The following CUX1 variants were observed in gnomAD, a reference collection of about 807,000 sequenced individuals.
CUX1 encodes the protein protein CASP.
CUX1 carries 31 observed loss-of-function variants against 158.8 expected under a neutral mutation model. The observed-to-expected ratio is 0.20, with a 90% CI of 0.15 to 0.26. The LOEUF (loss-of-function observed/expected upper bound fraction) is 0.26, where lower values mean the gene tolerates loss of function less well. Among genes scored for constraint, CUX1 ranks in the 10% least tolerant of loss-of-function variants. The pLI is 1.00. For synonymous variants in CUX1, 879 were observed against 862.1 expected (o/e 1.02, Z -0.34); for missense variants, 1,589 against 2,014.6 (o/e 0.79, Z 4.04).
At chr7:102,141,037 T>C (rs1231290610) in intron 8 of CUX1, among the ~76,000 whole-genome samples, 1 of 152,164 alleles carries the variant, frequency 6.6e-6, no homozygotes, top group Non-Finnish European at 1.5e-5. Flanking sequence ...TAAAGATTCA[T>C]GGCCAAATCC....
chr7:102,224,578 C>G (rs1011939180), intron 20 of CUX1, among the ~76,000 whole-genome samples: 6 of 152,168 alleles, frequency 3.9e-5, no homozygotes, highest in African/African-American at 1.2e-4. Flanking sequence ...TCTCAGGGCT[C>G]GGACAGGGCT....
chr7:102,054,641 G>A (rs1444096023), intron 3 of CUX1, among the ~76,000 whole-genome samples: 3 of 152,108 alleles, frequency 2.0e-5, no homozygotes, highest in Non-Finnish European at 4.4e-5. Flanking sequence ...ATTTTCATAT[G>A]AATCTTAGAA....
intron 21 of CUX1, 86 bp downstream of exon 21, chr7:102,227,755 A>G: frequency 7.3e-7 from 1 of 1,376,056 alleles, no homozygotes; most frequent in Non-Finnish European, 1.0e-6. Flanking sequence ...AGGCCAAGCC[A>G]ACCACAGAGT....
At chr7:102,266,722 T>C (rs1244560260) in intron 14 of CUX1, among the ~76,000 whole-genome samples, 1 of 151,996 alleles carries the variant, frequency 6.6e-6, no homozygotes, top group East Asian at 1.9e-4. Context: ...ACCTGGAAAC[T>C]AGCTGCTAAC....
chr7:102,077,415 C>T (rs139516381), intron 4 of CUX1, among the ~76,000 whole-genome samples: 1 of 150,530 alleles, frequency 6.6e-6, no homozygotes, highest in Non-Finnish European at 1.5e-5. Flanking sequence ...GGGGATCGGG[C>T]GCAGTGGCTT....
chr7:102,088,066 T>C (rs1554481150), intron 4 of CUX1, among the ~76,000 whole-genome samples: 1 of 151,786 alleles, frequency 6.6e-6, no homozygotes, highest in African/African-American at 2.4e-5. Context: ...GGTGCAATCT[T>C]GGCTCACTGC....
chr7:101,913,511 C>A, intron 1 of CUX1: 2 of 854,400 alleles, frequency 2.3e-6, no homozygotes, highest in Non-Finnish European at 3.1e-6. Context: ...ACAGATCAGC[C>A]CAGGGAGGGG....
At chr7:101,882,384 T>G (rs1799807356) in intron 1 of CUX1, among the ~76,000 whole-genome samples, 3 of 152,128 alleles carry the variant, frequency 2.0e-5, no homozygotes, top group South Asian at 2.1e-4. Context: ...TTAGCCTAGT[T>G]GGCAAAAGTG....
intron 20 of CUX1, among the ~76,000 whole-genome samples, chr7:102,212,975 G>C (rs781848050): frequency 2.6e-5 from 4 of 152,200 alleles, no homozygotes; most frequent in Non-Finnish European, 5.9e-5. Context: ...CCTCCAAGTA[G>C]CTGGGATCAC....
chr7:101,985,774 C>T (rs1814223296), intron 2 of CUX1, among the ~76,000 whole-genome samples: 1 of 152,230 alleles, frequency 6.6e-6, no homozygotes, highest in Non-Finnish European at 1.5e-5. Context: ...GTGTCAGTGT[C>T]TGCCAGGTAA....
intron 2 of CUX1, among the ~76,000 whole-genome samples, chr7:102,027,633 G>A (rs1429556259): frequency 6.6e-6 from 1 of 152,132 alleles, no homozygotes; most frequent in Non-Finnish European, 1.5e-5. Flanking sequence ...TGCTAGGGTG[G>A]GCACATCTCT....
intron 2 of CUX1, among the ~76,000 whole-genome samples, chr7:101,943,078 C>CTTTTTTTTTTTTTTTTTTTTTTT (rs58332486): frequency 6.2e-5 from 5 of 80,324 alleles, no homozygotes; most frequent in East Asian, 4.0e-4. Flanking sequence ...CTGGTCAGTG[C>CTTTTTTTTTTTTTTTTTTTTTTT]TTTTTTTTTT....
At chr7:102,072,255 G>GT (rs1424724548) in intron 4 of CUX1, among the ~76,000 whole-genome samples, 1 of 152,184 alleles carries the variant, frequency 6.6e-6, no homozygotes, top group Non-Finnish European at 1.5e-5. Context: ...TCCCCTTGAG[G>GT]TTTCCCATTG....
intron 2 of CUX1, among the ~76,000 whole-genome samples, chr7:102,011,337 A>G (rs950148980): frequency 6.6e-6 from 1 of 151,922 alleles, no homozygotes; most frequent in Non-Finnish European, 1.5e-5. Flanking sequence ...GGAGCTGCTC[A>G]GCCCCTACAG....
At chr7:102,024,450 C>G (rs59646143) in intron 2 of CUX1, among the ~76,000 whole-genome samples, 3 of 152,332 alleles carry the variant, frequency 2.0e-5, no homozygotes, top group East Asian at 3.9e-4. Context: ...CCTCAGCCTC[C>G]TGAGTAACCT....
At position 102,257,446 on chromosome 7, in the gene CUX1, G is replaced by C; in HGVS notation, c.*8404G>C. ...GAAAAAAAAAATCCCGTGTATTCTG[G>C]AGATGTGAGAATTCACCCAAAATTC... On this transcript the variant is annotated 3_prime_UTR_variant, in exon 24 of 24. Transcript: ENST00000292535. The C allele has an allele frequency of 1.0e-6, 1 of 985,232 alleles. No homozygotes were observed. The allele number at this position is 985,232 out of a possible 1,614,324, so 61.0% of individuals were successfully genotyped here. A position where few individuals can be genotyped will look rare whatever the true frequency, so the allele number is the denominator to read the frequency against.
intron 2 of CUX1, among the ~76,000 whole-genome samples, chr7:101,954,942 C>T (rs962404314): frequency 6.6e-6 from 1 of 152,084 alleles, no homozygotes; most frequent in Non-Finnish European, 1.5e-5. Flanking sequence ...GAAGCCGAGG[C>T]AGGCGATCAC....
chr7:102,071,145 G>A (rs940102959), intron 4 of CUX1, among the ~76,000 whole-genome samples: 3 of 152,024 alleles, frequency 2.0e-5, no homozygotes, highest in Middle Eastern at 3.4e-3. Context: ...CAATGAGTGC[G>A]ATGAGGTCTC....
chr7:102,146,468 G>A (rs1226680459), intron 8 of CUX1, among the ~76,000 whole-genome samples: 1 of 152,212 alleles, frequency 6.6e-6, no homozygotes, highest in Non-Finnish European at 1.5e-5. Context: ...GCTAAAGGAA[G>A]ATTTTATTGA....
Sources: gnomAD v4.1 joint callset for allele counts (sites outside exome capture counted in the v4.1 genomes callset) on GRCh38, gnomAD v4.1.1 for gene constraint, MANE v1.5 for transcripts, NCBI Gene and HGNC (gene_info 2026-07-23, HGNC 2026-07-21) for gene names.